PARM1: variants seen among roughly 807,000 people sequenced by gnomAD.
PARM1 encodes prostate androgen-regulated mucin-like protein 1, also known as WSC4, cell wall integrity and stress response component 4 homolog.
A neutral mutation model predicts 24.6 loss-of-function variants in PARM1; 14 were observed. That is an observed-to-expected ratio of 0.57 (90% CI 0.38 to 0.89). PARM1 has a LOEUF of 0.89. PARM1 is among the 40% of genes least tolerant of loss of function. The pLI is 0.00. For missense variants in PARM1, 362 were observed against 380.4 expected, an observed-to-expected ratio of 0.95 and a Z score of 0.40; for synonymous variants, 179 against 156.6, an observed-to-expected ratio of 1.14 and a Z score of -1.07.
rs1723674997 is a variant in PARM1, at chr4:75,049,438, T to A, written c.*3191T>A. 1 of 152,254 alleles carries A rather than the reference T, an allele frequency of 6.6e-6. No homozygotes were observed. The highest frequency in any genetic ancestry group is 1.5e-5 in the Non-Finnish European group (1 of 68,038). 9.4% of individuals were successfully genotyped at this position (152,254 alleles called of 1,614,324 possible). ...ATACTAATGTGTTGTTTTAACTTAT[T>A]CCATAAAATGACAGTTGTGTCCTAG... On this transcript the variant is annotated 3_prime_UTR_variant, in exon 4 of 4. Transcript: ENST00000307428.
chr4:74,941,957 G>C, intron 1 of PARM1, among the ~76,000 whole-genome samples: 1 of 152,180 alleles, frequency 6.6e-6, no homozygotes, highest in South Asian at 2.1e-4. Flanking sequence ...TTTTACATGA[G>C]AAGCAATATG....
chr4:74,981,648 G>A (rs749582533), intron 1 of PARM1, among the ~76,000 whole-genome samples: 10 of 152,050 alleles, frequency 6.6e-5, no homozygotes, highest in African/African-American at 1.9e-4. Flanking sequence ...AGACCGAGGC[G>A]AGTGGATCAT....
intron 1 of PARM1, among the ~76,000 whole-genome samples, chr4:74,952,994 T>C (rs565842432): frequency 6.6e-6 from 1 of 152,354 alleles, no homozygotes; most frequent in African/African-American, 2.4e-5. Context: ...TAATACATTT[T>C]CTGGAGCATC....
intron 1 of PARM1, among the ~76,000 whole-genome samples, chr4:75,002,619 G>C (rs1219499231): frequency 6.6e-6 from 1 of 152,168 alleles, no homozygotes; most frequent in African/African-American, 2.4e-5. Context: ...GTCTGTCTTT[G>C]TTTAAAGCTG....
At chr4:75,031,987 T>C (rs963300247) in intron 2 of PARM1, among the ~76,000 whole-genome samples, 1 of 152,144 alleles carries the variant, frequency 6.6e-6, no homozygotes, top group Non-Finnish European at 1.5e-5. Context: ...CCTTTCAAAG[T>C]AGGAGTGGAG....
chr4:75,012,644 A>G lies in PARM1; in HGVS notation c.263A>G (p.Glu88Gly), dbSNP rs1363924042. ...PKNISIESREEEITSPGSNWE... is the reference protein window; with the variant it reads ...PKNISIESREGEITSPGSNWE... ...AACATTTCCATAGAGTCCAGAGAAG[A>G]GGAGATCACCAGCCCAGGTTCGAAT... Residue 88 changes from glutamate (E) to glycine (G), a missense_variant, in exon 2 of 4, where the codon GAG becomes GGG. By Grantham distance (98) the Glu-to-Gly change is moderately conservative. Transcript: ENST00000307428. 2 of 1,613,846 alleles carry G rather than the reference A, an allele frequency of 1.2e-6. No individual in the cohort carries two copies. The highest frequency in any genetic ancestry group is 1.7e-6 in the Non-Finnish European group (2 of 1,179,894).
At chr4:74,952,998 G>A (rs1721557126) in intron 1 of PARM1, among the ~76,000 whole-genome samples, 1 of 152,062 alleles carries the variant, frequency 6.6e-6, no homozygotes, top group Non-Finnish European at 1.5e-5. Flanking sequence ...ACATTTTCTG[G>A]AGCATCTAAA....
intron 1 of PARM1, among the ~76,000 whole-genome samples, chr4:74,979,162 G>GA (rs983732322): frequency 8.0e-5 from 12 of 150,702 alleles, no homozygotes; most frequent in African/African-American, 2.7e-4. Context: ...AAAAACCTTC[G>GA]AAAAAATCAA....
At chr4:74,989,737 TCC>T (rs1722427113) in intron 1 of PARM1, among the ~76,000 whole-genome samples, 1 of 152,050 alleles carries the variant, frequency 6.6e-6, no homozygotes, top group Non-Finnish European at 1.5e-5. Flanking sequence ...TGGTAACCAG[TCC>T]CCATCCTGAC....
chr4:74,967,999 T>C (rs898941095), intron 1 of PARM1, among the ~76,000 whole-genome samples: 2 of 152,238 alleles, frequency 1.3e-5, no homozygotes, highest in African/African-American at 4.8e-5. Context: ...CTGAAGTGTT[T>C]GCAGGTTCCT....
At chr4:75,038,990 C>T (rs1039943329) in intron 3 of PARM1, among the ~76,000 whole-genome samples, 8 of 152,182 alleles carry the variant, frequency 5.3e-5, no homozygotes, top group Non-Finnish European at 8.8e-5. Flanking sequence ...TCTTTTAAGA[C>T]GTCTTGTTAG....
chr4:75,038,951 G>A (rs1261652005), intron 3 of PARM1, among the ~76,000 whole-genome samples: 2 of 152,196 alleles, frequency 1.3e-5, no homozygotes, highest in Non-Finnish European at 2.9e-5. Flanking sequence ...AATAAATGCA[G>A]TCTTGATTTA....
intron 1 of PARM1, among the ~76,000 whole-genome samples, chr4:75,001,960 C>T (rs1722688192): frequency 6.6e-6 from 1 of 152,196 alleles, no homozygotes; most frequent in African/African-American, 2.4e-5. Flanking sequence ...ATTTCATGAA[C>T]ATTATCCTAT....
intron 1 of PARM1, among the ~76,000 whole-genome samples, chr4:74,975,349 A>C (rs1722122758): frequency 6.6e-6 from 1 of 152,242 alleles, no homozygotes. Context: ...TTTCTGTAAA[A>C]CAAAACAAAT....
chr4:75,037,434 G>C (rs1379424261), intron 3 of PARM1, among the ~76,000 whole-genome samples: 2 of 152,174 alleles, frequency 1.3e-5, no homozygotes, highest in East Asian at 3.8e-4. Flanking sequence ...TGCTAACAAT[G>C]GGTGGGGACT....
At chr4:74,981,582 C>T (rs899294698) in intron 1 of PARM1, among the ~76,000 whole-genome samples, 1 of 151,980 alleles carries the variant, frequency 6.6e-6, no homozygotes, top group Non-Finnish European at 1.5e-5. Flanking sequence ...ATTCCTCAAA[C>T]ACCTAGAACC....
At chr4:74,965,481 G>T (rs1721879993) in intron 1 of PARM1, 1 of 152,112 alleles carries the variant, frequency 6.6e-6, no homozygotes, top group African/African-American at 2.4e-5. Context: ...ATTAACTTGT[G>T]CTCTGTTATA....
intron 1 of PARM1, among the ~76,000 whole-genome samples, chr4:75,004,434 C>T (rs1306043870): frequency 6.6e-6 from 1 of 152,086 alleles, no homozygotes; most frequent in African/African-American, 2.4e-5. Flanking sequence ...CAGAATATTT[C>T]ATAGAGAAGG....
intron 1 of PARM1, among the ~76,000 whole-genome samples, chr4:74,974,990 T>A (rs1578035463): frequency 6.6e-6 from 1 of 152,072 alleles, no homozygotes; most frequent in Admixed American, 6.5e-5. Context: ...GGGCAAAAAA[T>A]TTTTTGTTGT....
Sources: gnomAD v4.1 joint callset for allele counts (sites outside exome capture counted in the v4.1 genomes callset) on GRCh38, gnomAD v4.1.1 for gene constraint, MANE v1.5 for transcripts, NCBI Gene and HGNC (gene_info 2026-07-23, HGNC 2026-07-21) for gene names.